ARHGAP36: variants seen among roughly 807,000 people sequenced by gnomAD.
The protein encoded by ARHGAP36 is Rho GTPase activating protein 36.
A neutral mutation model predicts 32.9 loss-of-function variants in ARHGAP36; 7 were observed. The ratio of observed to expected loss-of-function variants is 0.21; its 90% CI spans 0.12 to 0.40. The LOEUF is 0.40. Ranked by LOEUF, ARHGAP36 falls within the 10% of genes least tolerant of loss-of-function variation. The probability of loss-of-function intolerance (pLI) is 1.00; values close to 1 mark genes in which losing one functional copy is unlikely to be tolerated. For missense variants in ARHGAP36, 383 were observed against 442.2 expected (o/e 0.87, Z 1.20); for synonymous variants, 165 against 168.3 (o/e 0.98, Z 0.15).
chrX:131,064,381 T>C (rs1203785439), intron 1 of ARHGAP36, among the ~76,000 whole-genome samples: 2 of 111,259 alleles, frequency 1.8e-5, no homozygotes, highest in African/African-American at 6.5e-5. Context: ...ATTTCAAGAG[T>C]GTCAGACAAG....
At chrX:131,076,654 G>A (rs771382345) in intron 1 of ARHGAP36, among the ~76,000 whole-genome samples, 2 of 112,003 alleles carry the variant, frequency 1.8e-5, no homozygotes, top group Admixed American at 9.4e-5. Context: ...CTTGCAGCTA[G>A]TGAAAGCAAG....
rs1373324072 is a variant in ARHGAP36 at position 131,085,994 on chromosome X, A to G, written c.1186A>G (p.Arg396Gly). ...CCTGAAAAAAGGAAAGTTTGGCAAG[A>G]GAGAGTCCAGGAAAACAAAGCTGGG... is the stretch of plus-strand genomic sequence containing the variant. ...ALLKKGKFGK[R>G]ESRKTKLGID... Residue 396 changes from arginine (R) to glycine (G), a missense_variant, in exon 9 of 12, where the codon AGA (arginine) becomes GGA (glycine). Arg to Gly is a moderately radical substitution (Grantham distance 125). Transcript: ENST00000276211. 1.7e-6 allele frequency: 2 copies of G among 1,211,610 alleles called. No homozygotes were observed. Among genetic ancestry groups the G allele is most frequent in the Admixed American group, 4.3e-5 (2 of 46,086 alleles).
At position 131,085,932 on chromosome X, in the gene ARHGAP36, C is replaced by G; in HGVS notation, c.1124C>G (p.Thr375Ser). ...DGQLVPGNRM[T>S]STNLALVFGS... ...GCCTAGGTCCCAGGCAACCGTATGA[C>G]TTCCACTAACTTGGCCTTGGTGTTT... The change falls in exon 9 of 12, where the codon ACT becomes AGT. Residue 375 changes from threonine (T) to serine (S), a missense_variant. Physicochemically the swap from Thr to Ser is moderately conservative, Grantham distance 58. Around this residue, in one of 2 missense-constraint regions of ARHGAP36, gnomAD observed 227 missense variants for 311.3 expected, o/e 0.73. Coordinates refer to ENST00000276211, the MANE Select transcript of ARHGAP36 (RefSeq NM_144967.4). 2 of 1,211,566 alleles carry G rather than the reference C, an allele frequency of 1.7e-6. No individual in the cohort carries two copies. The highest frequency in any genetic ancestry group is 1.8e-5 in the South Asian group (1 of 56,887).
At chrX:131,088,522 G>A in intron 11 of ARHGAP36, 106 bp from the exon 12 acceptor site, 3 of 783,990 alleles carry the variant, frequency 3.8e-6, no homozygotes, top group South Asian at 2.5e-5. Flanking sequence ...CTACCTTCTT[G>A]CCTCATACTG....
In ARHGAP36 at chrX:131,071,166, C is replaced by CAGAGAG. The variant is rs112542239; in HGVS notation, c.-142-10344_-142-10339dup. Among the ~76,000 whole-genome samples the CAGAGAG allele has an allele frequency of 4.9e-3, 516 of 106,338 alleles. 4 individuals are homozygous for CAGAGAG. The highest frequency in any genetic ancestry group is 0.017 in the African/African-American group (494 of 29,160). 92.3% of individuals were successfully genotyped at this position (106,338 alleles called of 115,157 possible). ...GAAAAATCCAGGGAGAGAGAGAAGA[C>CAGAGAG]AGAGAGAGAGAGAGAGAGACAGAGA... On this transcript the variant is annotated intron_variant, in intron 1 of 11. Transcript: ENST00000276211.
chrX:131,064,669 C>A (rs1741885486), intron 1 of ARHGAP36, among the ~76,000 whole-genome samples: 1 of 111,329 alleles, frequency 9.0e-6, no homozygotes, highest in African/African-American at 3.3e-5. Context: ...CAAGATCACA[C>A]AGCAAGTAAG....
intron 1 of ARHGAP36, among the ~76,000 whole-genome samples, chrX:131,071,349 GGTCCT>G (rs1420610310): frequency 3.6e-5 from 4 of 110,738 alleles, no homozygotes; most frequent in Non-Finnish European, 7.6e-5. Context: ...GAGAGGGAGA[GGTCCT>G]CTCCTCTCCT....
chrX:131,074,636 A>C (rs1022133630), intron 1 of ARHGAP36, among the ~76,000 whole-genome samples: 8 of 112,016 alleles, frequency 7.1e-5, no homozygotes, highest in African/African-American at 2.6e-4. Flanking sequence ...AAAGGAAAGG[A>C]AACATATTTA....
At chrX:131,078,803 T>C in intron 1 of ARHGAP36, 8 of 906,811 alleles carry the variant, frequency 8.8e-6, no homozygotes, top group Non-Finnish European at 1.0e-5. Flanking sequence ...ATAACTGCTC[T>C]TAAGTTTAGC....
chrX:131,081,589 C>T lies in ARHGAP36; in HGVS notation c.-77C>T, dbSNP rs1235292667. The T allele has an allele frequency of 1.0e-5, 9 of 872,887 alleles. No homozygotes were observed. In the African/African-American group the frequency reaches 1.3e-4, roughly 13 times the overall value. The allele number at this position is 872,887 out of a possible 1,213,427, so 71.9% of individuals were successfully genotyped here. On this transcript the variant is annotated 5_prime_UTR_variant, in exon 2 of 12. Coordinates refer to ENST00000276211, the MANE Select transcript of ARHGAP36 (RefSeq NM_144967.4). ...CCTCCCAGTTTTCCCTCCCCCTCTA[C>T]CCCCACCCCCATAGTTCTCTCCACC...
chrX:131,064,754 A>G (rs761881139), intron 1 of ARHGAP36, among the ~76,000 whole-genome samples: 2 of 111,165 alleles, frequency 1.8e-5, no homozygotes, highest in Middle Eastern at 4.6e-3. Context: ...CCCCACATGG[A>G]AAAAACAAAA....
intron 1 of ARHGAP36, among the ~76,000 whole-genome samples, chrX:131,080,506 T>A (rs2079790360): frequency 8.9e-6 from 1 of 112,339 alleles, no homozygotes; most frequent in Non-Finnish European, 1.9e-5. Flanking sequence ...AATGAATGAA[T>A]GAGTGAACAA....
At chrX:131,063,518 C>A (rs1348703071) in intron 1 of ARHGAP36, among the ~76,000 whole-genome samples, 1 of 111,356 alleles carries the variant, frequency 9.0e-6, no homozygotes, top group African/African-American at 3.3e-5. Context: ...GAGGGACTCA[C>A]TTGCAAGGAG....
intron 2 of ARHGAP36, among the ~76,000 whole-genome samples, chrX:131,082,435 A>T (rs1418559641): frequency 8.9e-6 from 1 of 112,239 alleles, no homozygotes; most frequent in Non-Finnish European, 1.9e-5. Context: ...AGCACTGCCC[A>T]CCTCAGCTGG....
intron 1 of ARHGAP36, among the ~76,000 whole-genome samples, chrX:131,068,896 G>A (rs1289215300): frequency 9.0e-6 from 1 of 111,606 alleles, no homozygotes; most frequent in Admixed American, 9.4e-5. Flanking sequence ...CCGACCCCGC[G>A]CTGGACACAT....
Position 131,081,766 on chromosome X carries a change from T to A in ARHGAP36, c.101T>A (p.Val34Asp), listed in dbSNP as rs770199691. The A allele has an allele frequency of 8.3e-7, 1 of 1,211,974 alleles. No individual in the cohort carries two copies. The highest frequency in any genetic ancestry group is 1.1e-6 in the Non-Finnish European group (1 of 895,572). The change falls in exon 2 of 12, where the codon GTC becomes GAC. Residue 34 changes from valine (V) to aspartate (D), a missense_variant. Val to Asp is a radical substitution (Grantham distance 152). Coordinates refer to ENST00000276211, the MANE Select transcript of ARHGAP36 (RefSeq NM_144967.4). ...TCCGCCTTCATTTTTTTAGTGAGTG[T>A]CTTGGGAGGAGCCCCAGGACACAAC... ...LLSAFIFLVS[V>D]LGGAPGHNPD...
chrX:131,064,701 A>C (rs12841381), intron 1 of ARHGAP36, among the ~76,000 whole-genome samples: 3,652 of 110,820 alleles, frequency 0.033, 92 homozygotes, highest in Admixed American at 0.092. Flanking sequence ...GGATACCAAC[A>C]CAAAGCTGTC....
At chrX:131,073,480 C>G (rs1022198508) in intron 1 of ARHGAP36, among the ~76,000 whole-genome samples, 4 of 112,247 alleles carry the variant, frequency 3.6e-5, no homozygotes, top group Non-Finnish European at 7.5e-5. Context: ...GGCGGAGGGT[C>G]GGAGGTGGAG....
intron 1 of ARHGAP36, among the ~76,000 whole-genome samples, chrX:131,074,077 G>A (rs112509839): frequency 5.5e-5 from 6 of 109,417 alleles, no homozygotes; most frequent in African/African-American, 1.7e-4. Flanking sequence ...AGGAGTGGGG[G>A]AACAAAGATG....
Sources: gnomAD v4.1 joint callset for allele counts (sites outside exome capture counted in the v4.1 genomes callset) on GRCh38, gnomAD v4.1.1 for gene constraint, gnomAD v4.1.1 regional missense constraint, MANE v1.5 for transcripts, NCBI Gene and HGNC (gene_info 2026-07-23, HGNC 2026-07-21) for gene names.